The following MSI2 variants were observed in gnomAD, a reference collection of about 807,000 sequenced individuals.
MSI2 encodes the protein RNA-binding protein Musashi homolog 2.
In MSI2, 17 loss-of-function variants were observed where a neutral mutation model predicts 45.6. That is an observed-to-expected ratio of 0.37 (90% CI 0.26 to 0.56). The LOEUF (loss-of-function observed/expected upper bound fraction) is 0.56. Ranked by LOEUF, MSI2 falls within the 20% of genes least tolerant of loss-of-function variation. MSI2 has a pLI of 0.77. For synonymous variants in MSI2, 156 were observed against 158.2 expected (o/e 0.99, Z 0.11); for missense variants, 293 against 444.2 (o/e 0.66, Z 3.06).
At chr17:57,432,110 G>A (rs1472208560) in intron 6 of MSI2, among the ~76,000 whole-genome samples, 1 of 152,116 alleles carries the variant, frequency 6.6e-6, no homozygotes, top group Non-Finnish European at 1.5e-5. Context: ...TAAATATTAA[G>A]CTTGAAAAAA....
At chr17:57,316,034 G>T (rs1348985672) in intron 5 of MSI2, among the ~76,000 whole-genome samples, 1 of 144,920 alleles carries the variant, frequency 6.9e-6, no homozygotes, top group East Asian at 2.1e-4. Flanking sequence ...AATATCTGAG[G>T]TCCCACCGAG....
intron 5 of MSI2, among the ~76,000 whole-genome samples, chr17:57,331,104 G>A (rs1914224325): frequency 6.6e-6 from 1 of 152,042 alleles, no homozygotes; most frequent in Non-Finnish European, 1.5e-5. Flanking sequence ...AGTAGAGACA[G>A]GGTTTTACCA....
chr17:57,587,673 G>A (rs73994428), intron 7 of MSI2, among the ~76,000 whole-genome samples: 1,751 of 152,176 alleles, frequency 0.012, 31 homozygotes, highest in African/African-American at 0.041. Context: ...GTCGACTCAC[G>A]CCGATCTCTG....
At chr17:57,351,404 A>G (rs1414136015) in intron 5 of MSI2, among the ~76,000 whole-genome samples, 18 of 152,162 alleles carry the variant, frequency 1.2e-4, no homozygotes, top group Non-Finnish European at 2.6e-4. Context: ...AGCCACCACA[A>G]ATAAATACAC....
At chr17:57,522,439 T>C (rs542684726) in intron 6 of MSI2, 4 of 152,228 alleles carry the variant, frequency 2.6e-5, no homozygotes, top group African/African-American at 7.2e-5. Context: ...GTTCTTGATA[T>C]GTGTGGCTTG....
rs1344460202 is a variant in MSI2, at chr17:57,680,216, C to CT, written c.*700dup. On this transcript the variant is annotated 3_prime_UTR_variant, in exon 14 of 14. Transcript: ENST00000284073. ...GTGATGTCTCTTTGTTAATCTGAGT[C>CT]TATCTATTTTCGGCAATAAGGTAAG... 2 of 229,104 alleles carry CT rather than the reference C, an allele frequency of 8.7e-6. No individual in the cohort carries two copies. The highest frequency in any genetic ancestry group is 5.7e-5 in the Admixed American group (1 of 17,620). 14.2% of individuals were successfully genotyped at this position (229,104 alleles called of 1,614,324 possible).
chr17:57,288,603 C>G (rs1910126076), intron 5 of MSI2, among the ~76,000 whole-genome samples: 1 of 152,116 alleles, frequency 6.6e-6, no homozygotes, highest in Non-Finnish European at 1.5e-5. Flanking sequence ...ACCCTTGGCT[C>G]TCAGCTGAGG....
intron 10 of MSI2, among the ~76,000 whole-genome samples, chr17:57,640,785 T>TA (rs1222589301): frequency 6.6e-6 from 1 of 152,220 alleles, no homozygotes; most frequent in East Asian, 1.9e-4. Flanking sequence ...CTTGTGGTGT[T>TA]ATAGCAAGGA....
chr17:57,607,828 C>A (rs1241341471), intron 8 of MSI2, among the ~76,000 whole-genome samples: 1 of 152,032 alleles, frequency 6.6e-6, no homozygotes, highest in Admixed American at 6.5e-5. Context: ...AGGCACGTCG[C>A]TTGGTGAAAG....
At chr17:57,379,995 G>A (rs1012906076) in intron 5 of MSI2, among the ~76,000 whole-genome samples, 1 of 151,714 alleles carries the variant, frequency 6.6e-6, no homozygotes, top group Non-Finnish European at 1.5e-5. Context: ...TTAGATAAAG[G>A]CTCTTGAATA....
chr17:57,290,264 C>T (rs1264346591), intron 5 of MSI2, among the ~76,000 whole-genome samples: 1 of 152,146 alleles, frequency 6.6e-6, no homozygotes, highest in Non-Finnish European at 1.5e-5. Flanking sequence ...GTAAGGAAGT[C>T]ATCCTTAATT....
At chr17:57,408,422 G>A (rs1018139827) in intron 6 of MSI2, among the ~76,000 whole-genome samples, 4 of 152,232 alleles carry the variant, frequency 2.6e-5, no homozygotes, top group Non-Finnish European at 5.9e-5. Flanking sequence ...TGCATAGTAG[G>A]TAGAGGAACA....
At chr17:57,533,664 GTTTATC>G in intron 7 of MSI2, among the ~76,000 whole-genome samples, 1 of 152,344 alleles carries the variant, frequency 6.6e-6, no homozygotes, top group South Asian at 2.1e-4. Flanking sequence ...CAAGTGGGAG[GTTTATC>G]CAGAAGTGCT....
chr17:57,523,175 G>A (rs1055428752), intron 6 of MSI2, among the ~76,000 whole-genome samples: 4 of 151,902 alleles, frequency 2.6e-5, no homozygotes, highest in Non-Finnish European at 4.4e-5. Flanking sequence ...AGCCTCCCGC[G>A]CAGCTGGGAT....
rs1394733916 is a variant in MSI2 at position 57,390,347 on chromosome 17, G to A, written c.313-11032G>A. ...CTTACAGAGCCCTGGCTGCATATTA[G>A]AATGTTCTGGGGAGTGTTTAAAAAT... On this transcript the variant is annotated intron_variant, in intron 5 of 13. Coordinates refer to ENST00000284073, the MANE Select transcript of MSI2 (RefSeq NM_138962.4). Among the ~76,000 whole-genome samples the A allele has an allele frequency of 2.6e-5, 4 of 152,274 alleles. No individual in the cohort carries two copies. In the East Asian group the frequency reaches 7.8e-4, roughly 30 times the overall value.
At position 57,681,889 on chromosome 17, in the gene MSI2, C is replaced by T. The variant is rs1324531472; in HGVS notation, c.*2372C>T. Reference sequence around the variant, plus strand: ...AGTGTTTAGACGAGGGAATTTAATTCCTATTTTGTCCATGTTGGTGATGTA... The same window carrying T: ...AGTGTTTAGACGAGGGAATTTAATTTCTATTTTGTCCATGTTGGTGATGTA... On this transcript the variant is annotated 3_prime_UTR_variant, in exon 14 of 14. Transcript: ENST00000284073. 3 of 203,818 alleles carry T rather than the reference C, an allele frequency of 1.5e-5. No individual in the cohort carries two copies. The highest frequency in any genetic ancestry group is 6.9e-5 in the African/African-American group (3 of 43,636). The allele number at this position is 203,818 out of a possible 1,614,324, so 12.6% of individuals were successfully genotyped here. A position where few individuals can be genotyped will look rare whatever the true frequency, so the allele number is the denominator to read the frequency against.
chr17:57,376,032 G>A (rs1982271), intron 5 of MSI2, among the ~76,000 whole-genome samples: 10 of 151,936 alleles, frequency 6.6e-5, no homozygotes, highest in African/African-American at 2.2e-4. Flanking sequence ...AAGATTTCTC[G>A]CTTTAGGTGA....
At chr17:57,521,475 C>G (rs2086583078) in intron 6 of MSI2, among the ~76,000 whole-genome samples, 1 of 152,166 alleles carries the variant, frequency 6.6e-6, no homozygotes, top group Admixed American at 6.5e-5. Flanking sequence ...TTTGGCTCTT[C>G]CGAGCTGCTT....
chr17:57,383,663 AAAAAT>A (rs890330481), intron 5 of MSI2, among the ~76,000 whole-genome samples: 2 of 152,030 alleles, frequency 1.3e-5, no homozygotes, highest in African/African-American at 4.8e-5. Context: ...TCCGTCTAAA[AAAAAT>A]AAAATAATAA....
Sources: gnomAD v4.1 joint callset for allele counts (sites outside exome capture counted in the v4.1 genomes callset) on GRCh38, gnomAD v4.1.1 for gene constraint, MANE v1.5 for transcripts, NCBI Gene and HGNC (gene_info 2026-07-23, HGNC 2026-07-21) for gene names.